MEIS1: variants seen among roughly 807,000 people sequenced by gnomAD.
The protein encoded by MEIS1 is homeobox protein Meis1.
MEIS1 carries 5 observed loss-of-function variants against 50.8 expected under a neutral mutation model. That is an observed-to-expected ratio of 0.10 (90% CI 0.05 to 0.21). MEIS1 has a LOEUF of 0.21. Among genes scored for constraint, MEIS1 ranks in the 10% least tolerant of loss-of-function variants. The pLI, the probability that MEIS1 is intolerant of heterozygous loss-of-function variation, is 1.00. For missense variants in MEIS1, 318 were observed against 517.3 expected, an observed-to-expected ratio of 0.61 and a Z score of 3.74; for synonymous variants, 176 against 179.3, an observed-to-expected ratio of 0.98 and a Z score of 0.15.
intron 8 of MEIS1, among the ~76,000 whole-genome samples, chr2:66,539,809 A>C (rs757180973): frequency 3.9e-5 from 6 of 152,208 alleles, no homozygotes; most frequent in Non-Finnish European, 7.3e-5. Flanking sequence ...TGATGAACTA[A>C]CTTTCCCTGA....
chr2:66,441,583 T>A, intron 5 of MEIS1, 119 bp downstream of exon 5: 2 of 797,802 alleles, frequency 2.5e-6, no homozygotes, highest in East Asian at 3.2e-5. Flanking sequence ...TCTTTCTTTC[T>A]GGTAATTAGT....
At chr2:66,507,185 C>G (rs2103842885) in intron 7 of MEIS1, among the ~76,000 whole-genome samples, 1 of 152,286 alleles carries the variant, frequency 6.6e-6, no homozygotes, top group East Asian at 1.9e-4. Context: ...ATTTGGAAAA[C>G]TTTTTAGGCA....
chr2:66,439,740 G>C, intron 2 of MEIS1, 103 bp from the exon 3 acceptor site: 1 of 1,596,098 alleles, frequency 6.3e-7, no homozygotes, highest in Non-Finnish European at 8.5e-7. Flanking sequence ...ATCGGAGAGG[G>C]GGTCTGTTCC....
At chr2:66,558,843 C>CT (rs1350307846) in intron 9 of MEIS1, among the ~76,000 whole-genome samples, 1 of 152,088 alleles carries the variant, frequency 6.6e-6, no homozygotes, top group East Asian at 1.9e-4. Context: ...AGCTAAGATT[C>CT]TTTAATACCT....
rs183840090 is a variant in MEIS1 at position 66,508,979 on chromosome 2, T to A, written c.743-3170T>A. ...ACTGCTGACATTTTACAAATGTGGT[T>A]CAGAGCTGCTGCCTGCTGCCGTGTG... On this transcript the variant is annotated intron_variant, in intron 7 of 12. Transcript: ENST00000272369. The A allele has an allele frequency of 1.4e-4, 66 of 470,878 alleles. No homozygotes were observed. In the East Asian group the frequency reaches 3.2e-3, roughly 23 times the overall value. The allele number at this position is 470,878 out of a possible 1,614,324, so 29.2% of individuals were successfully genotyped here.
intron 7 of MEIS1, among the ~76,000 whole-genome samples, chr2:66,471,824 G>A (rs561018290): frequency 1.3e-5 from 2 of 152,254 alleles, no homozygotes; most frequent in South Asian, 4.1e-4. Flanking sequence ...TCATGGACCT[G>A]GAAGTTAATT....
chr2:66,561,824 G>A (rs1675219562), intron 9 of MEIS1, among the ~76,000 whole-genome samples: 3 of 152,080 alleles, frequency 2.0e-5, no homozygotes, highest in Admixed American at 2.0e-4. Flanking sequence ...CGCCTAGTTG[G>A]CAAGAAACAC....
At chr2:66,442,155 A>G (rs1337412336) in intron 5 of MEIS1, among the ~76,000 whole-genome samples, 3 of 152,044 alleles carry the variant, frequency 2.0e-5, no homozygotes, top group Non-Finnish European at 4.4e-5. Context: ...ACTAACATTA[A>G]ATTGCAAGCA....
intron 8 of MEIS1, among the ~76,000 whole-genome samples, chr2:66,530,626 G>T (rs1674368143): frequency 6.6e-6 from 1 of 152,008 alleles, no homozygotes; most frequent in African/African-American, 2.4e-5. Flanking sequence ...TGAGGCAGGA[G>T]AATGGCGTGA....
chr2:66,479,376 C>T (rs976475796), intron 7 of MEIS1, among the ~76,000 whole-genome samples: 7 of 152,102 alleles, frequency 4.6e-5, no homozygotes, highest in Non-Finnish European at 1.0e-4. Flanking sequence ...CTTAATTTAC[C>T]TTTATTTGGG....
chr2:66,530,734 C>G (rs1674372035), intron 8 of MEIS1, among the ~76,000 whole-genome samples: 1 of 152,082 alleles, frequency 6.6e-6, no homozygotes, highest in African/African-American at 2.4e-5. Flanking sequence ...AAAATTAGTA[C>G]CATGGGGAAC....
At chr2:66,472,727 G>A (rs1672791897) in intron 7 of MEIS1, among the ~76,000 whole-genome samples, 1 of 152,040 alleles carries the variant, frequency 6.6e-6, no homozygotes, top group Admixed American at 6.5e-5. Context: ...AGGTGTAGAC[G>A]TTCAGCATCT....
chr2:66,452,952 A>AT (rs551859837), intron 6 of MEIS1, among the ~76,000 whole-genome samples: 190 of 152,040 alleles, frequency 1.2e-3, no homozygotes, highest in African/African-American at 4.5e-3. Context: ...CTAGTGTTCA[A>AT]TTTTTTTATT....
intron 1 of MEIS1, chr2:66,436,840 C>G (rs1671808658): frequency 1.0e-6 from 1 of 971,320 alleles, no homozygotes. Flanking sequence ...AAATTTCACA[C>G]ACACAAAATA....
chr2:66,476,456 C>T (rs1672894261), intron 7 of MEIS1, among the ~76,000 whole-genome samples: 1 of 152,198 alleles, frequency 6.6e-6, no homozygotes, highest in Admixed American at 6.5e-5. Flanking sequence ...ATGTCCACTG[C>T]ATACCGGTCC....
chr2:66,531,122 G>A (rs1263827649), intron 8 of MEIS1, among the ~76,000 whole-genome samples: 1 of 152,206 alleles, frequency 6.6e-6, no homozygotes, highest in Non-Finnish European at 1.5e-5. Context: ...TCCTCTGCTG[G>A]AAGCCTTATT....
At chr2:66,466,645 C>T (rs1356541089) in intron 7 of MEIS1, among the ~76,000 whole-genome samples, 1 of 152,194 alleles carries the variant, frequency 6.6e-6, no homozygotes, top group African/African-American at 2.4e-5. Context: ...TAAGCTGTGC[C>T]AGCATTTGGC....
In MEIS1 at chr2:66,497,560, C is replaced by A. The variant is rs573675749; in HGVS notation, c.743-14589C>A. Among the ~76,000 whole-genome samples, 5 of 152,206 alleles carry A rather than the reference C, an allele frequency of 3.3e-5. No individual in the cohort carries two copies. The East Asian group carries it at 9.7e-4, about 29-fold the overall frequency. On this transcript the variant is annotated intron_variant, in intron 7 of 12. Coordinates refer to ENST00000272369, the MANE Select transcript of MEIS1 (RefSeq NM_002398.3). ...AAAGATACTTTCTTAAATGATATAA[C>A]TTTTTTCCTTATCAGTAAAACAAAA...
chr2:66,555,280 C>CTCTCTCTCT (rs10695722), intron 9 of MEIS1, among the ~76,000 whole-genome samples: 11,789 of 133,612 alleles, frequency 0.088, 670 homozygotes, highest in East Asian at 0.13. Context: ...CTCTCTCTCT[C>CTCTCTCTCT]GTCTCTCTCC....
Sources: allele counts gnomAD v4.1 joint callset (sites outside exome capture counted in the v4.1 genomes callset), GRCh38; gene constraint gnomAD v4.1.1; transcripts MANE v1.5; gene names NCBI Gene and HGNC (gene_info 2026-07-23, HGNC 2026-07-21).